The following NEGR1 variants were observed in gnomAD, a reference collection of about 807,000 sequenced individuals.
The protein encoded by NEGR1 is IgLON family member 4.
In NEGR1, 10 loss-of-function variants were observed where a neutral mutation model predicts 40.9. That is an observed-to-expected ratio of 0.24 (90% CI 0.15 to 0.42). NEGR1 has a LOEUF of 0.42. Among genes scored for constraint, NEGR1 ranks in the 10% least tolerant of loss-of-function variants. The pLI, the probability that NEGR1 is intolerant of heterozygous loss-of-function variation, is 1.00. For synonymous variants in NEGR1, 185 were observed against 166.8 expected, an observed-to-expected ratio of 1.11 and a Z score of -0.84; for missense variants, 352 against 438.9, an observed-to-expected ratio of 0.80 and a Z score of 1.77.
intron 4 of NEGR1, among the ~76,000 whole-genome samples, chr1:71,620,245 G>C (rs920963947): frequency 8.6e-5 from 13 of 151,962 alleles, no homozygotes; most frequent in Admixed American, 5.3e-4. Flanking sequence ...TGAATTTAGA[G>C]TCTATAAAGA....
At chr1:72,242,204 T>A (rs542821134) in intron 1 of NEGR1, among the ~76,000 whole-genome samples, 2 of 151,862 alleles carry the variant, frequency 1.3e-5, no homozygotes, top group African/African-American at 4.8e-5. Context: ...ATTATCCTCT[T>A]GAATATCATT....
chr1:72,241,879 G>C lies in NEGR1; in HGVS notation c.176+40440C>G, dbSNP rs145052210. ...TAACTGTTGAATTAACTAATGAATA[G>C]CCAGTATAATAACTTCTAAACCTGC... On this transcript the variant is annotated intron_variant, in intron 1 of 6. Coordinates refer to ENST00000357731, the MANE Select transcript of NEGR1 (RefSeq NM_173808.3). Among the ~76,000 whole-genome samples the C allele has an allele frequency of 5.7e-4, 86 of 151,684 alleles. No individual in the cohort carries two copies. The East Asian group carries it at 9.9e-3, about 17-fold the overall frequency.
At chr1:72,112,725 C>T (rs1363199332) in intron 1 of NEGR1, among the ~76,000 whole-genome samples, 2 of 151,464 alleles carry the variant, frequency 1.3e-5, no homozygotes, top group Admixed American at 6.6e-5. Flanking sequence ...CTGAAGGTTA[C>T]CAGTAGGCTT....
chr1:71,887,559 G>T (rs1241326236), intron 2 of NEGR1, among the ~76,000 whole-genome samples: 2 of 152,076 alleles, frequency 1.3e-5, no homozygotes, highest in African/African-American at 4.8e-5. Flanking sequence ...GATACAGAGT[G>T]ATGTTGCAAT....
At chr1:71,919,167 G>A (rs1374524382) in intron 2 of NEGR1, among the ~76,000 whole-genome samples, 1 of 152,134 alleles carries the variant, frequency 6.6e-6, no homozygotes, top group East Asian at 1.9e-4. Flanking sequence ...TAATTTTCCA[G>A]CTGGATTCTC....
intron 6 of NEGR1, among the ~76,000 whole-genome samples, chr1:71,527,073 C>A (rs1057188583): frequency 6.6e-5 from 10 of 151,578 alleles, no homozygotes; most frequent in Non-Finnish European, 1.5e-4. Flanking sequence ...AAAGCCATAT[C>A]TGAGTTTGAA....
chr1:71,423,527 T>G (rs1264653804), intron 6 of NEGR1, among the ~76,000 whole-genome samples: 1 of 152,218 alleles, frequency 6.6e-6, no homozygotes, highest in African/African-American at 2.4e-5. Context: ...TGTAGTTGCA[T>G]GTTGTTCATT....
intron 1 of NEGR1, among the ~76,000 whole-genome samples, chr1:71,951,468 CAA>C (rs1186340081): frequency 2.6e-5 from 4 of 151,924 alleles, no homozygotes; most frequent in African/African-American, 9.7e-5. Context: ...GAGGAAATAA[CAA>C]TACTTCAAAA....
At chr1:72,271,019 C>T (rs142262861) in intron 1 of NEGR1, among the ~76,000 whole-genome samples, 60 of 151,826 alleles carry the variant, frequency 4.0e-4, no homozygotes, top group African/African-American at 1.4e-3. Flanking sequence ...TCATTTAATC[C>T]GTGTACTTCT....
At chr1:72,008,251 A>T (rs1479716332) in intron 1 of NEGR1, among the ~76,000 whole-genome samples, 2 of 152,160 alleles carry the variant, frequency 1.3e-5, no homozygotes, top group Non-Finnish European at 2.9e-5. Flanking sequence ...TAAGTAGATT[A>T]ATCAAAGAAG....
chr1:71,791,458 A>G (rs1657114023), intron 2 of NEGR1, among the ~76,000 whole-genome samples: 10 of 152,102 alleles, frequency 6.6e-5, no homozygotes, highest in Admixed American at 5.9e-4. Context: ...TGTTTAGAGC[A>G]TGGAAATTGG....
At chr1:71,602,487 G>A (rs966825061) in intron 5 of NEGR1, among the ~76,000 whole-genome samples, 1 of 151,538 alleles carries the variant, frequency 6.6e-6, no homozygotes, top group South Asian at 2.1e-4. Flanking sequence ...TCCTGACCTC[G>A]TGATCCGCCC....
chr1:72,011,530 T>C (rs560485144), intron 1 of NEGR1, among the ~76,000 whole-genome samples: 2 of 152,134 alleles, frequency 1.3e-5, no homozygotes, highest in Non-Finnish European at 2.9e-5. Context: ...CAGTCACAAG[T>C]AATCGCCATA....
chr1:71,407,667 C>A, intron 6 of NEGR1, 97 bp from the exon 7 acceptor site: 1 of 1,174,606 alleles, frequency 8.5e-7, no homozygotes, highest in Non-Finnish European at 1.2e-6. Flanking sequence ...GGGGAAAGCA[C>A]TGACATTGGA....
chr1:72,171,193 G>A (rs1446980766), intron 1 of NEGR1, among the ~76,000 whole-genome samples: 1 of 152,034 alleles, frequency 6.6e-6, no homozygotes, highest in African/African-American at 2.4e-5. Flanking sequence ...TGATGTGGAA[G>A]AATCAAAAAT....
At chr1:72,195,400 T>C (rs1266986927) in intron 1 of NEGR1, among the ~76,000 whole-genome samples, 2 of 152,130 alleles carry the variant, frequency 1.3e-5, no homozygotes, top group African/African-American at 2.4e-5. Flanking sequence ...TTGCCAAGCA[T>C]AAAATTCTTT....
rs548230656 is a variant in NEGR1, at chr1:71,945,536, A to C, written c.177-10225T>G. On this transcript the variant is annotated intron_variant, in intron 1 of 6. Coordinates refer to ENST00000357731, the MANE Select transcript of NEGR1 (RefSeq NM_173808.3). ...AGAGCTGGTTCACAGAACTAATTTT[A>C]TAGGTAGCTAATTGTCATATGTAAA... Among the ~76,000 whole-genome samples the C allele has an allele frequency of 4.6e-5, 7 of 152,312 alleles. No homozygotes were observed. In the South Asian group the frequency reaches 1.2e-3, roughly 27 times the overall value.
intron 6 of NEGR1, among the ~76,000 whole-genome samples, chr1:71,496,770 G>A (rs932413449): frequency 6.6e-6 from 1 of 152,060 alleles, no homozygotes; most frequent in East Asian, 1.9e-4. Flanking sequence ...ATGTGCAATA[G>A]ATCAGTAACA....
At chr1:71,779,170 C>T (rs184493722) in intron 2 of NEGR1, among the ~76,000 whole-genome samples, 2 of 152,276 alleles carry the variant, frequency 1.3e-5, no homozygotes, top group African/African-American at 4.8e-5. Context: ...CAGTGAAATC[C>T]TTACATGCAC....
Sources: gnomAD v4.1 joint callset for allele counts (sites outside exome capture counted in the v4.1 genomes callset) on GRCh38, gnomAD v4.1.1 for gene constraint, MANE v1.5 for transcripts, NCBI Gene and HGNC (gene_info 2026-07-23, HGNC 2026-07-21) for gene names.